PARD3B: variants seen among roughly 807,000 people sequenced by gnomAD.
PARD3B encodes partitioning defective 3 homolog B.
A neutral mutation model predicts 130.2 loss-of-function variants in PARD3B; 103 were observed. That is an observed-to-expected ratio of 0.79 (90% CI 0.67 to 0.93). The LOEUF is 0.93. Among genes scored for constraint, PARD3B ranks in the 40% least tolerant of loss-of-function variants. PARD3B has a pLI of 0.00. For missense variants in PARD3B, 1,609 were observed against 1,499.2 expected, an observed-to-expected ratio of 1.07 and a Z score of -1.21; for synonymous variants, 583 against 553.2, an observed-to-expected ratio of 1.05 and a Z score of -0.76.
At chr2:204,737,867 C>A (rs1207575977) in intron 2 of PARD3B, among the ~76,000 whole-genome samples, 1 of 152,148 alleles carries the variant, frequency 6.6e-6, no homozygotes, top group Non-Finnish European at 1.5e-5. Flanking sequence ...TGTTGAAAAT[C>A]AGTTGGCTGT....
intron 18 of PARD3B, among the ~76,000 whole-genome samples, chr2:205,387,758 G>A (rs1375032171): frequency 6.6e-6 from 1 of 152,120 alleles, no homozygotes; most frequent in African/African-American, 2.4e-5. Context: ...TAAAAATGGG[G>A]AGACCAGAAG....
intron 22 of PARD3B, among the ~76,000 whole-genome samples, chr2:205,594,227 G>A: frequency 6.6e-6 from 1 of 152,150 alleles, no homozygotes; most frequent in East Asian, 1.9e-4. Context: ...AAACTTCCTG[G>A]GATATGACCC....
intron 1 of PARD3B, among the ~76,000 whole-genome samples, chr2:204,579,235 T>G (rs1242389935): frequency 6.6e-6 from 1 of 152,094 alleles, no homozygotes; most frequent in Non-Finnish European, 1.5e-5. Flanking sequence ...TAAGATACAC[T>G]CATTTAATCC....
intron 2 of PARD3B, among the ~76,000 whole-genome samples, chr2:204,747,143 T>C (rs1047166547): frequency 2.0e-5 from 3 of 152,170 alleles, no homozygotes; most frequent in African/African-American, 7.2e-5. Flanking sequence ...CCATCTTTAA[T>C]TGATTTTTGT....
chr2:205,524,918 C>T (rs779061998), intron 21 of PARD3B, among the ~76,000 whole-genome samples: 5 of 152,118 alleles, frequency 3.3e-5, no homozygotes, highest in South Asian at 2.1e-4. Context: ...GTTTTATATG[C>T]GGTTGGTCAT....
Position 205,346,172 on chromosome 2 carries a change from AAAATAAATAAATAAAT to A in PARD3B, c.2630+44504_2630+44519del, listed in dbSNP as rs57934121. 8.7e-4 allele frequency among the ~76,000 whole-genome samples: 115 copies of A among 132,306 alleles called. 1 individual carries two copies. The highest frequency in any genetic ancestry group is 2.1e-3 in the African/African-American group (80 of 37,214). 86.8% of individuals were successfully genotyped at this position (132,306 alleles called of 152,430 possible). ...GAACGACACAGTGAGACTCCGTCTC[AAAATAAATAAATAAAT>A]AAATAAATAAATAAATAAATAAATA... is the stretch of plus-strand genomic sequence containing the variant. On this transcript the variant is annotated intron_variant, in intron 18 of 22. Transcript: ENST00000406610.
rs367584832 is a variant in PARD3B at position 205,074,482 on chromosome 2, C to T, written c.504+26792C>T. On this transcript the variant is annotated intron_variant, in intron 4 of 22. Transcript: ENST00000406610. ...AAAACTATCGTATGTCATCTATTGC[C>T]TGTTGCATTCAGAATGAACAACAAC... Among the ~76,000 whole-genome samples, 15 of 152,258 alleles carry T rather than the reference C, an allele frequency of 9.9e-5. No individual in the cohort carries two copies. In the South Asian group the frequency reaches 1.4e-3, roughly 15 times the overall value.
intron 2 of PARD3B, among the ~76,000 whole-genome samples, chr2:204,911,356 G>C (rs1233573047): frequency 6.6e-6 from 1 of 152,102 alleles, no homozygotes; most frequent in Non-Finnish European, 1.5e-5. Flanking sequence ...CATCATCAAC[G>C]TACTTGGCCT....
At chr2:204,747,275 A>G (rs1013508606) in intron 2 of PARD3B, among the ~76,000 whole-genome samples, 1 of 152,142 alleles carries the variant, frequency 6.6e-6, no homozygotes, top group African/African-American at 2.4e-5. Flanking sequence ...TTTGTCAAAG[A>G]TCAGATGGTT....
chr2:205,519,801 A>G (rs1445712271), intron 21 of PARD3B, among the ~76,000 whole-genome samples: 2 of 152,100 alleles, frequency 1.3e-5, no homozygotes, highest in African/African-American at 2.4e-5. Flanking sequence ...CAGGGTCTTT[A>G]TTTGAAGCTG....
intron 22 of PARD3B, among the ~76,000 whole-genome samples, chr2:205,583,695 C>A (rs2054089081): frequency 6.6e-6 from 1 of 152,156 alleles, no homozygotes; most frequent in Non-Finnish European, 1.5e-5. Flanking sequence ...TGAATCATAC[C>A]TTTTGTAAAA....
intron 19 of PARD3B, among the ~76,000 whole-genome samples, chr2:205,406,399 G>A (rs918550364): frequency 6.6e-6 from 1 of 152,082 alleles, no homozygotes; most frequent in African/African-American, 2.4e-5. Context: ...TGCAGTATGA[G>A]GCAGTGAGTT....
At chr2:205,586,620 A>G (rs1453920937) in intron 22 of PARD3B, among the ~76,000 whole-genome samples, 4 of 150,856 alleles carry the variant, frequency 2.7e-5, no homozygotes, top group South Asian at 4.2e-4. Flanking sequence ...TACATATTAG[A>G]TATATTTTTA....
chr2:204,746,945 G>A (rs1378851641), intron 2 of PARD3B, among the ~76,000 whole-genome samples: 1 of 152,066 alleles, frequency 6.6e-6, no homozygotes, highest in Admixed American at 6.5e-5. Context: ...CATTCTGATG[G>A]TAGTTTCTTT....
chr2:205,429,170 A>G (rs1574998501), intron 19 of PARD3B, among the ~76,000 whole-genome samples: 1 of 152,206 alleles, frequency 6.6e-6, no homozygotes, highest in African/African-American at 2.4e-5. Context: ...ATTATATATT[A>G]TGGACTTACA....
chr2:205,544,713 T>TTTATAATTTCATAATTTGCA (rs1271683686), intron 21 of PARD3B, among the ~76,000 whole-genome samples: 28 of 152,344 alleles, frequency 1.8e-4, no homozygotes, highest in African/African-American at 6.5e-4. Context: ...CAATAAATAC[T>TTTATAATTTCATAATTTGCA]TTATAATTTC....
chr2:204,595,813 T>C (rs1200553258), intron 1 of PARD3B, among the ~76,000 whole-genome samples: 1 of 152,256 alleles, frequency 6.6e-6, no homozygotes, highest in Admixed American at 6.5e-5. Context: ...TTGGTCAAAG[T>C]TGAAACTCAG....
rs569793011 is a variant in PARD3B, at chr2:204,979,578, A to G, written c.394+14255A>G. ...ATATGGAAAACAACAAGTCAAAGAT[A>G]AGGACAGTGTAGAATTGACAAGACA... On this transcript the variant is annotated intron_variant, in intron 3 of 22. Transcript: ENST00000406610. Among the ~76,000 whole-genome samples the G allele has an allele frequency of 3.3e-5, 5 of 152,368 alleles. No homozygotes were observed. The South Asian group carries it at 1.0e-3, about 32-fold the overall frequency.
chr2:204,765,573 T>C (rs1048453610), intron 2 of PARD3B, among the ~76,000 whole-genome samples: 4 of 152,196 alleles, frequency 2.6e-5, no homozygotes, highest in Non-Finnish European at 5.9e-5. Flanking sequence ...ATTTCAAAAG[T>C]CTTTTATAGT....
Sources: allele counts gnomAD v4.1 joint callset (sites outside exome capture counted in the v4.1 genomes callset), GRCh38; gene constraint gnomAD v4.1.1; transcripts MANE v1.5; gene names NCBI Gene and HGNC (gene_info 2026-07-23, HGNC 2026-07-21).